Variants in FRMD4A observed in about 807,000 individuals in gnomAD.
FRMD4A encodes the protein FERM domain containing 4A.
In FRMD4A, 29 loss-of-function variants were observed where a neutral mutation model predicts 129.1. That is an observed-to-expected ratio of 0.22 (90% CI 0.17 to 0.31). The LOEUF (loss-of-function observed/expected upper bound fraction) is 0.31, where lower values mean the gene tolerates loss of function less well. Among genes scored for constraint, FRMD4A ranks in the 10% least tolerant of loss-of-function variants. The probability of loss-of-function intolerance (pLI) is 1.00; values close to 1 mark genes in which losing one functional copy is unlikely to be tolerated. For missense variants in FRMD4A, 1,272 were observed against 1,375.8 expected (o/e 0.92, Z 1.19); for synonymous variants, 634 against 571.6 (o/e 1.11, Z -1.56).
At chr10:13,784,265 CTG>C (rs2092802842) in intron 5 of FRMD4A, among the ~76,000 whole-genome samples, 1 of 152,172 alleles carries the variant, frequency 6.6e-6, no homozygotes, top group African/African-American at 2.4e-5. Context: ...GTCCCCAGCT[CTG>C]TGTGACTCAG....
At chr10:14,318,326 C>A (rs201038790) in intron 2 of FRMD4A, among the ~76,000 whole-genome samples, 8 of 18,638 alleles carry the variant, frequency 4.3e-4, no homozygotes, top group East Asian at 7.5e-4. Context: ...TATCCCCCCC[C>A]ACCTTTTTTT....
intron 2 of FRMD4A, among the ~76,000 whole-genome samples, chr10:13,930,156 AGAGAACTATGTATTT>A (rs1446046598): frequency 2.0e-5 from 3 of 152,224 alleles, no homozygotes; most frequent in Admixed American, 2.0e-4. Flanking sequence ...TCACTCATGC[AGAGAACTATGTATTT>A]GTGGAGGACT....
chr10:14,127,907 T>A (rs186303566), intron 2 of FRMD4A, among the ~76,000 whole-genome samples: 56 of 1,692 alleles, frequency 0.033, no homozygotes, highest in Non-Finnish European at 0.046. Context: ...TATATTTTGC[T>A]TTCTTTCTTT....
At chr10:13,797,902 T>C (rs1027370515) in intron 4 of FRMD4A, among the ~76,000 whole-genome samples, 2 of 143,930 alleles carry the variant, frequency 1.4e-5, no homozygotes, top group Non-Finnish European at 3.0e-5. Flanking sequence ...TCACTCAAAC[T>C]GCACCTTTCG....
At chr10:14,161,112 A>C (rs1320454994) in intron 2 of FRMD4A, among the ~76,000 whole-genome samples, 1 of 151,942 alleles carries the variant, frequency 6.6e-6, no homozygotes, top group Non-Finnish European at 1.5e-5. Flanking sequence ...CTGCCACCAC[A>C]CCTGGATAAT....
intron 8 of FRMD4A, among the ~76,000 whole-genome samples, chr10:13,755,735 A>G (rs10752324): frequency 0.93 from 141,153 of 152,294 alleles, 65,488 homozygotes; most frequent in East Asian, 1. Context: ...GACTGACACC[A>G]CAGGTATACA....
intron 2 of FRMD4A, among the ~76,000 whole-genome samples, chr10:14,055,612 C>T (rs940804816): frequency 6.6e-6 from 1 of 152,194 alleles, no homozygotes; most frequent in African/African-American, 2.4e-5. Context: ...TATGCCTGCC[C>T]TCAGGTTACA....
At chr10:14,307,064 T>C (rs936452172) in intron 2 of FRMD4A, among the ~76,000 whole-genome samples, 1 of 152,218 alleles carries the variant, frequency 6.6e-6, no homozygotes, top group African/African-American at 2.4e-5. Flanking sequence ...GGCAAATGCT[T>C]CTGCTGTTTA....
chr10:13,863,795 C>G (rs955511058), intron 2 of FRMD4A, among the ~76,000 whole-genome samples: 8 of 150,882 alleles, frequency 5.3e-5, no homozygotes, highest in Admixed American at 5.3e-4. Flanking sequence ...GAAACTTTAT[C>G]TAGAAAGATG....
chr10:14,004,256 T>C (rs2095653498), intron 2 of FRMD4A, among the ~76,000 whole-genome samples: 1 of 152,276 alleles, frequency 6.6e-6, no homozygotes, highest in South Asian at 2.1e-4. Flanking sequence ...TTATTAAAAA[T>C]ACAAGACTGG....
intron 2 of FRMD4A, among the ~76,000 whole-genome samples, chr10:14,136,439 T>C (rs1356933422): frequency 6.6e-6 from 1 of 152,164 alleles, no homozygotes; most frequent in Non-Finnish European, 1.5e-5. Context: ...GTTATCCCTC[T>C]GCTCACCTGA....
intron 8 of FRMD4A, among the ~76,000 whole-genome samples, chr10:13,749,384 C>G (rs2091454832): frequency 1.3e-5 from 2 of 151,958 alleles, no homozygotes; most frequent in Non-Finnish European, 1.5e-5. Flanking sequence ...TGCTAAAAAG[C>G]AATGAAACAA....
At chr10:14,002,978 G>C (rs1384551334) in intron 2 of FRMD4A, among the ~76,000 whole-genome samples, 1 of 152,186 alleles carries the variant, frequency 6.6e-6, no homozygotes, top group Non-Finnish European at 1.5e-5. Context: ...AAGAGGTGAG[G>C]CTGGAGGGCT....
chr10:13,751,740 G>A (rs2091635464), intron 8 of FRMD4A, among the ~76,000 whole-genome samples: 2 of 152,230 alleles, frequency 1.3e-5, no homozygotes, highest in African/African-American at 4.8e-5. Context: ...GCTGGATGTG[G>A]TGGCTCATGC....
Position 14,045,073 on chromosome 10 carries a change from T to G in FRMD4A, c.46-186161A>C, listed in dbSNP as rs1030196775. On this transcript the variant is annotated intron_variant, in intron 2 of 24. Coordinates refer to ENST00000357447, the MANE Select transcript of FRMD4A (RefSeq NM_018027.5). ...ACCCACCACCGTGCCCAGCTAATTT[T>G]GCTTATTTTTGTAGTGACAGGGCCT... Among the ~76,000 whole-genome samples the G allele has an allele frequency of 5.0e-4, 76 of 152,154 alleles. 4 individuals are homozygous for G.
chr10:14,000,629 A>G (rs1247604475), intron 2 of FRMD4A, among the ~76,000 whole-genome samples: 1 of 130,516 alleles, frequency 7.7e-6, no homozygotes, highest in African/African-American at 3.0e-5. Context: ...CCTGGGTGAC[A>G]GAGCAAGACG....
intron 15 of FRMD4A, among the ~76,000 whole-genome samples, chr10:13,690,959 T>C (rs538650486): frequency 1.2e-3 from 180 of 152,300 alleles, no homozygotes; most frequent in African/African-American, 4.2e-3. Context: ...ATGTACTGCT[T>C]TTAAGTCTTA....
Position 14,123,167 on chromosome 10 carries a change from A to G in FRMD4A, c.45+206891T>C, listed in dbSNP as rs142122152. On this transcript the variant is annotated intron_variant, in intron 2 of 24. Coordinates refer to ENST00000357447, the MANE Select transcript of FRMD4A (RefSeq NM_018027.5). ...ACAAAACTAAAACCACCGAGGCTGC[A>G]TGACCCTTGCAAGTTGCTGAGGTAG... Among the ~76,000 whole-genome samples the G allele has an allele frequency of 9.6e-3, 1,463 of 152,322 alleles. 27 individuals carry two copies. Among genetic ancestry groups the G allele is most frequent in the African/African-American group, 0.033 (1,385 of 41,576 alleles).
chr10:13,986,964 G>C (rs1222430878), intron 2 of FRMD4A, among the ~76,000 whole-genome samples: 1 of 152,062 alleles, frequency 6.6e-6, no homozygotes, highest in Non-Finnish European at 1.5e-5. Context: ...AAACATGTCT[G>C]TAGGGCCTGG....
Sources: allele counts gnomAD v4.1 joint callset (sites outside exome capture counted in the v4.1 genomes callset), GRCh38; gene constraint gnomAD v4.1.1; transcripts MANE v1.5; gene names NCBI Gene and HGNC (gene_info 2026-07-23, HGNC 2026-07-21).